Variants in EPB41 observed in about 807,000 individuals in gnomAD.
EPB41 encodes the protein protein 4.1.
A neutral mutation model predicts 108.0 loss-of-function variants in EPB41; 65 were observed. The observed-to-expected ratio is 0.60, with a 90% CI of 0.49 to 0.74. The LOEUF (loss-of-function observed/expected upper bound fraction) is 0.74. EPB41 is among the 30% of genes least tolerant of loss of function. The probability of loss-of-function intolerance (pLI) is 0.00; values close to 1 mark genes in which losing one functional copy is unlikely to be tolerated. For missense variants in EPB41, 875 were observed against 1,037.0 expected (o/e 0.84, Z 2.15); for synonymous variants, 336 against 358.9 (o/e 0.94, Z 0.72).
intron 16 of EPB41, chr1:29,070,084 T>A (rs189780862): frequency 3.3e-4 from 90 of 269,490 alleles, no homozygotes; most frequent in Non-Finnish European, 4.3e-4. Flanking sequence ...GTGAATATCC[T>A]CAAAGGAAGA....
chr1:28,907,286 C>T (rs1292172379), intron 1 of EPB41, among the ~76,000 whole-genome samples: 3 of 151,810 alleles, frequency 2.0e-5, no homozygotes, highest in Non-Finnish European at 4.4e-5. Context: ...GGGCTGGTCT[C>T]GAACTCCCTA....
At chr1:29,032,162 A>T (rs561341269) in intron 8 of EPB41, among the ~76,000 whole-genome samples, 103 of 152,034 alleles carry the variant, frequency 6.8e-4, no homozygotes, top group African/African-American at 2.2e-3. Flanking sequence ...TACAACTTCT[A>T]TGAATCTCTA....
chr1:29,018,496 A>C lies in EPB41; in HGVS notation c.1124+54A>C. ...GTTTGTTTTGGCGATTAGTTTAAAC[A>C]CAACATGGTATTGGTTCATTGTTTG... On this transcript the variant is annotated intron_variant, in intron 7 of 20. Transcript: ENST00000343067. This position sits in a 1 kb window ranked among gnomAD's most constrained non-coding sequence, Gnocchi z 4.4. The C allele has an allele frequency of 7.8e-7, 1 of 1,285,270 alleles. No homozygotes were observed. Among genetic ancestry groups the C allele is most frequent in the Non-Finnish European group, 1.1e-6 (1 of 949,136 alleles). 79.6% of individuals were successfully genotyped at this position (1,285,270 alleles called of 1,614,324 possible). A position where few individuals can be genotyped will look rare whatever the true frequency, so the allele number is the denominator to read the frequency against.
chr1:28,969,582 G>A (rs377521518), intron 1 of EPB41, among the ~76,000 whole-genome samples: 1 of 150,954 alleles, frequency 6.6e-6, no homozygotes, highest in African/African-American at 2.4e-5. Context: ...TGGCTAACAC[G>A]GTGAAACCCC....
intron 16 of EPB41, chr1:29,069,376 A>G: frequency 8.1e-7 from 1 of 1,230,310 alleles, no homozygotes; most frequent in South Asian, 4.2e-5. Context: ...AATTGGGGAG[A>G]AAAAACTTTC....
At chr1:28,936,028 C>T (rs1463877168) in intron 1 of EPB41, among the ~76,000 whole-genome samples, 1 of 151,884 alleles carries the variant, frequency 6.6e-6, no homozygotes, top group African/African-American at 2.4e-5. Context: ...AAAAGTTTGT[C>T]TCTCATATCC....
intron 1 of EPB41, among the ~76,000 whole-genome samples, chr1:28,944,298 T>C (rs1217492400): frequency 6.6e-6 from 1 of 152,156 alleles, no homozygotes. Flanking sequence ...TAAGACCTAC[T>C]ATCTGATAGC....
chr1:28,976,150 T>G (rs2095603958), intron 1 of EPB41, among the ~76,000 whole-genome samples: 1 of 152,038 alleles, frequency 6.6e-6, no homozygotes, highest in African/African-American at 2.4e-5. Flanking sequence ...AGCCTGATAA[T>G]TTACAACAGA....
intron 1 of EPB41, among the ~76,000 whole-genome samples, chr1:28,970,776 A>C (rs2095474495): frequency 6.6e-6 from 1 of 152,242 alleles, no homozygotes; most frequent in Non-Finnish European, 1.5e-5. Context: ...TTGAAGAGCT[A>C]GAAGTGATTT....
At chr1:28,943,237 T>G (rs1462242715) in intron 1 of EPB41, among the ~76,000 whole-genome samples, 1 of 152,116 alleles carries the variant, frequency 6.6e-6, no homozygotes, top group Admixed American at 6.6e-5. Context: ...ATTTCAAAAC[T>G]AATCGAGTCA....
intron 11 of EPB41, among the ~76,000 whole-genome samples, chr1:29,043,518 A>G (rs923206715): frequency 6.6e-5 from 10 of 152,216 alleles, no homozygotes; most frequent in South Asian, 4.1e-4. Context: ...TGCCTGAGGA[A>G]CGGAATTTTA....
intron 2 of EPB41, among the ~76,000 whole-genome samples, chr1:28,988,163 T>C (rs2095912982): frequency 2.0e-5 from 3 of 152,264 alleles, no homozygotes; most frequent in Middle Eastern, 6.8e-3. Context: ...CTCAGGAGGC[T>C]GAGACAGGAG....
intron 1 of EPB41, among the ~76,000 whole-genome samples, chr1:28,939,033 G>A (rs2094168356): frequency 6.6e-6 from 1 of 152,200 alleles, no homozygotes; most frequent in South Asian, 2.1e-4. Context: ...AATAGAAGTG[G>A]TAAGAGTAGA....
At position 29,018,389 on chromosome 1, in the gene EPB41, G is replaced by A. The variant is rs201509659; in HGVS notation, c.1071G>A (p.Pro357=). Residue 357 remains proline, a synonymous_variant, in exon 7 of 21, where the codon CCG becomes CCA. Coordinates refer to ENST00000343067, the MANE Select transcript of EPB41 (RefSeq NM_001376013.1). The surrounding 1 kb of genome is among the most constrained non-coding windows in gnomAD (Gnocchi z 4.4). The part of the protein sequence containing the change: ...VDYVSDFKLA[P]NQTKELEEKV... The stretch of plus-strand genomic sequence containing the variant: ...ATGTTAGTGATTTTAAACTGGCCCC[G>A]AATCAGACCAAGGAACTTGAAGAGA... 184 of 1,614,040 alleles carry A rather than the reference G, an allele frequency of 1.1e-4. 1 individual carries two copies. In the African/African-American group the frequency reaches 1.7e-3, roughly 15 times the overall value.
chr1:28,961,379 T>C (rs1325009845), intron 1 of EPB41, among the ~76,000 whole-genome samples: 1 of 152,220 alleles, frequency 6.6e-6, no homozygotes, highest in Non-Finnish European at 1.5e-5. Context: ...CGTTGTACTT[T>C]AATAAGAATT....
At chr1:29,023,141 C>G (rs987022310) in intron 7 of EPB41, among the ~76,000 whole-genome samples, 1 of 151,490 alleles carries the variant, frequency 6.6e-6, no homozygotes. Flanking sequence ...ATTACAAGTG[C>G]CTGCCACCAC....
intron 15 of EPB41, among the ~76,000 whole-genome samples, chr1:29,061,572 G>GTTGTTTTTTTT (rs1646544018): frequency 1.6e-5 from 1 of 64,050 alleles, no homozygotes; most frequent in East Asian, 6.0e-4. Context: ...CCTGGCCTTT[G>GTTGTTTTTTTT]TTTTTTTTTT....
chr1:29,044,815 A>G (rs777002815), intron 11 of EPB41, among the ~76,000 whole-genome samples: 5 of 152,166 alleles, frequency 3.3e-5, no homozygotes, highest in Admixed American at 1.3e-4. Flanking sequence ...TCGCGCCTGC[A>G]CTCCAGCCTG....
At chr1:29,040,719 G>A (rs1168649664) in intron 11 of EPB41, among the ~76,000 whole-genome samples, 2 of 152,190 alleles carry the variant, frequency 1.3e-5, no homozygotes, top group African/African-American at 4.8e-5. Flanking sequence ...TATACTGACA[G>A]AAGACCTGTC....
Sources: gnomAD v4.1 joint callset for allele counts (sites outside exome capture counted in the v4.1 genomes callset) on GRCh38, gnomAD v4.1.1 for gene constraint, Gnocchi (gnomAD v3.1) non-coding constraint, MANE v1.5 for transcripts, NCBI Gene and HGNC (gene_info 2026-07-23, HGNC 2026-07-21) for gene names.